The following TMCC2 variants were observed in gnomAD, a reference collection of about 807,000 sequenced individuals.
TMCC2 encodes transmembrane and coiled-coil domain family 2.
TMCC2 carries 16 observed loss-of-function variants against 49.4 expected under a neutral mutation model. The observed-to-expected ratio is 0.32, with a 90% CI of 0.22 to 0.49. The LOEUF (loss-of-function observed/expected upper bound fraction) is 0.49. Among genes scored for constraint, TMCC2 ranks in the 20% least tolerant of loss-of-function variants. TMCC2 has a pLI of 0.99. For synonymous variants in TMCC2, 397 were observed against 434.1 expected (o/e 0.91, Z 1.06); for missense variants, 762 against 989.8 (o/e 0.77, Z 3.09).
chr1:205,245,799 ATT>A (rs1230935167), intron 2 of TMCC2, among the ~76,000 whole-genome samples: 19 of 139,612 alleles, frequency 1.4e-4, no homozygotes, highest in African/African-American at 2.6e-4. Context: ...AGATATCCCA[ATT>A]TTTTTTTTTT....
At chr1:205,229,665 G>A (rs937050953) in intron 1 of TMCC2, 1 of 985,176 alleles carries the variant, frequency 1.0e-6, no homozygotes, top group East Asian at 1.1e-4. Flanking sequence ...AACCCCCAGG[G>A]TGGAGAACTG....
At chr1:205,243,508 G>A (rs1205514639) in intron 2 of TMCC2, among the ~76,000 whole-genome samples, 5 of 152,214 alleles carry the variant, frequency 3.3e-5, no homozygotes, top group Non-Finnish European at 7.3e-5. Context: ...GAAAGAAGGC[G>A]CCAAGTGCAG....
chr1:205,257,060 A>T (rs1660900604), intron 2 of TMCC2: 12 of 738,730 alleles, frequency 1.6e-5, no homozygotes, highest in Admixed American at 4.8e-5. Flanking sequence ...GTGGAGGGGC[A>T]TCTCATCAGA....
chr1:205,271,400 A>G lies in TMCC2; in HGVS notation c.1818+145A>G, dbSNP rs1661585570. On this transcript the variant is annotated intron_variant, in intron 4 of 4. Transcript: ENST00000358024. ...CGATAGGCACATGGATGAAGAGGGCAGCGTAGCGGGAGCGGAGTGGAGTGA... is the reference window on the plus strand; with the variant it reads ...CGATAGGCACATGGATGAAGAGGGCGGCGTAGCGGGAGCGGAGTGGAGTGA... 7.3e-6 allele frequency: 10 copies of G among 1,361,078 alleles called. No individual in the cohort carries two copies. In the African/African-American group the frequency reaches 1.3e-4, roughly 17 times the overall value. 84.3% of individuals were successfully genotyped at this position (1,361,078 alleles called of 1,614,324 possible).
intron 4 of TMCC2, chr1:205,271,494 C>T (rs946175657): frequency 1.5e-6 from 1 of 687,538 alleles, no homozygotes. Context: ...GGCCACCATG[C>T]CCCCCACCTC....
intron 2 of TMCC2, among the ~76,000 whole-genome samples, chr1:205,258,654 A>C (rs888671495): frequency 6.6e-6 from 1 of 152,226 alleles, no homozygotes; most frequent in Non-Finnish European, 1.5e-5. Flanking sequence ...CTGAGTTGAA[A>C]AAATGGAATG....
rs1660244319 is a variant in TMCC2 at position 205,241,107 on chromosome 1, T to C, written c.208-398T>C. Among the ~76,000 whole-genome samples the C allele has an allele frequency of 6.6e-6, 1 of 151,968 alleles. No homozygotes were observed. The highest frequency in any genetic ancestry group is 1.5e-5 in the Non-Finnish European group (1 of 67,980). ...GAAAGAACTAGTACAGCTTGAAGGG[T>C]CGTCTAACTTGGAAGGAGGGAAGGA... is the stretch of plus-strand genomic sequence containing the variant. On this transcript the variant is annotated intron_variant, in intron 1 of 4. Transcript: ENST00000358024. This position sits in a 1 kb window ranked among gnomAD's most constrained non-coding sequence, Gnocchi z 7.3.
Position 205,271,167 on chromosome 1 carries a change from A to G in TMCC2, c.1730A>G (p.Gln577Arg). The G allele has an allele frequency of 6.2e-7, 1 of 1,613,938 alleles. No individual in the cohort carries two copies. Among genetic ancestry groups the G allele is most frequent in the Non-Finnish European group, 8.5e-7 (1 of 1,180,048 alleles). The change falls in exon 4 of 5, where the codon CAG (glutamine) becomes CGG (arginine). Residue 577 changes from glutamine to arginine, a missense_variant. Gln to Arg is a conservative substitution (Grantham distance 43). Transcript: ENST00000358024. ...CTCAACGACCTGACTGAGCTTCATC[A>G]GAACGAGATGACGAACCTGAAGCAG... ...EQLNDLTELH[Q>R]NEMTNLKQEL... is the part of the protein sequence containing the mutation.
At chr1:205,267,760 T>C (rs1024994070) in intron 2 of TMCC2, 2 of 351,084 alleles carry the variant, frequency 5.7e-6, no homozygotes, top group African/African-American at 4.4e-5. Flanking sequence ...TCTCCGACTT[T>C]GGTGCCACCC....
chr1:205,246,359 A>T (rs1660453740), intron 2 of TMCC2: 2 of 470,362 alleles, frequency 4.3e-6, no homozygotes, highest in Non-Finnish European at 6.2e-6. Flanking sequence ...TTCAGTTTGA[A>T]GTGGCTATTA....
chr1:205,240,255 T>C (rs1353100075), intron 1 of TMCC2, among the ~76,000 whole-genome samples: 1 of 152,256 alleles, frequency 6.6e-6, no homozygotes, highest in Non-Finnish European at 1.5e-5. Context: ...TCTGGAATTA[T>C]ACCACAGTTG....
At chr1:205,260,225 AACT>A (rs1207309103) in intron 2 of TMCC2, among the ~76,000 whole-genome samples, 1 of 152,158 alleles carries the variant, frequency 6.6e-6, no homozygotes, top group African/African-American at 2.4e-5. Context: ...TGGGGGCCAC[AACT>A]CCAGGTGTGG....
intron 2 of TMCC2, among the ~76,000 whole-genome samples, chr1:205,242,910 G>A (rs920467367): frequency 1.3e-5 from 2 of 152,208 alleles, no homozygotes; most frequent in Non-Finnish European, 2.9e-5. Flanking sequence ...ACACAAGCTG[G>A]TGCTAGGGGC....
chr1:205,267,987 A>G (rs771406330), intron 2 of TMCC2: 14 of 985,350 alleles, frequency 1.4e-5, no homozygotes, highest in Non-Finnish European at 1.3e-5. Flanking sequence ...CAATTCTCGG[A>G]TACTAGGAAG....
At chr1:205,270,853 G>A (rs1168429017) in intron 3 of TMCC2, among the ~76,000 whole-genome samples, 1 of 152,200 alleles carries the variant, frequency 6.6e-6, no homozygotes, top group Non-Finnish European at 1.5e-5. Context: ...CTGTAAAATG[G>A]AGATGACACT....
chr1:205,266,540 C>G (rs922584821), intron 2 of TMCC2, among the ~76,000 whole-genome samples: 1 of 150,842 alleles, frequency 6.6e-6, no homozygotes, highest in Admixed American at 6.6e-5. Context: ...TTGCAGTGAG[C>G]TGAGATGGCC....
At chr1:205,261,196 C>CTTTTTT (rs34247734) in intron 2 of TMCC2, among the ~76,000 whole-genome samples, 4 of 95,234 alleles carry the variant, frequency 4.2e-5, no homozygotes, top group Non-Finnish European at 6.1e-5. Flanking sequence ...CACTTATTTC[C>CTTTTTT]TTTTTTTTTT....
At chr1:205,257,143 G>A in intron 2 of TMCC2, 1 of 1,232,130 alleles carries the variant, frequency 8.1e-7, no homozygotes, top group Non-Finnish European at 1.0e-6. Context: ...TGAGCCCCAG[G>A]GGAGGGGGAA....
intron 2 of TMCC2, among the ~76,000 whole-genome samples, chr1:205,247,264 C>G (rs1660489173): frequency 1.3e-5 from 2 of 152,144 alleles, no homozygotes; most frequent in Admixed American, 1.3e-4. Context: ...AGACTGCTTG[C>G]CTATGGCACC....
Sources: gnomAD v4.1 joint callset for allele counts (sites outside exome capture counted in the v4.1 genomes callset) on GRCh38, gnomAD v4.1.1 for gene constraint, Gnocchi (gnomAD v3.1) non-coding constraint, MANE v1.5 for transcripts, NCBI Gene and HGNC (gene_info 2026-07-23, HGNC 2026-07-21) for gene names.